Variants in CPSF3 observed in about 807,000 individuals in gnomAD.
CPSF3 encodes the protein cleavage and polyadenylation specificity factor subunit 3.
CPSF3 carries 57 observed loss-of-function variants against 84.1 expected under a neutral mutation model. That is an observed-to-expected ratio of 0.68 (90% CI 0.55 to 0.85). CPSF3 has a LOEUF of 0.85. Among genes scored for constraint, CPSF3 ranks in the 40% least tolerant of loss-of-function variants. The pLI, the probability that CPSF3 is intolerant of heterozygous loss-of-function variation, is 0.00. For synonymous variants in CPSF3, 275 were observed against 278.1 expected, an observed-to-expected ratio of 0.99 and a Z score of 0.11; for missense variants, 522 against 838.8, an observed-to-expected ratio of 0.62 and a Z score of 4.66.
intron 7 of CPSF3, among the ~76,000 whole-genome samples, chr2:9,436,719 C>T (rs377359347): frequency 6.6e-5 from 10 of 151,556 alleles, no homozygotes; most frequent in African/African-American, 1.7e-4. Flanking sequence ...TGTAGTGAGC[C>T]GAGATTGCGC....
intron 10 of CPSF3, among the ~76,000 whole-genome samples, chr2:9,444,159 T>TA (rs1553344444): frequency 0.2 from 21,307 of 108,230 alleles, 1,632 homozygotes; most frequent in Non-Finnish European, 0.25. Flanking sequence ...TATATATATA[T>TA]TTTTTTTTTT....
intron 15 of CPSF3, among the ~76,000 whole-genome samples, chr2:9,465,765 A>G (rs556512731): frequency 6.6e-5 from 10 of 152,194 alleles, no homozygotes; most frequent in African/African-American, 2.2e-4. Context: ...ATCCCAATCA[A>G]ATGCCACCAA....
intron 9 of CPSF3, among the ~76,000 whole-genome samples, chr2:9,442,662 C>A (rs945057771): frequency 1.3e-4 from 20 of 152,016 alleles, no homozygotes; most frequent in Admixed American, 9.8e-4. Context: ...ACCAGCCTGG[C>A]CAACATGGCG....
intron 12 of CPSF3, among the ~76,000 whole-genome samples, chr2:9,454,677 TGGGA>T (rs1169823995): frequency 6.6e-6 from 1 of 151,440 alleles, no homozygotes; most frequent in Non-Finnish European, 1.5e-5. Context: ...CCCAAGTAGC[TGGGA>T]CTACAGGCGC....
chr2:9,426,151 G>A lies in CPSF3; in HGVS notation c.50+2328G>A, dbSNP rs80156978. ...TACAGCAGTGAATAAGATGGACAATGCCTCTGTTCTTAGGAAGCTTTCATT... is the reference window on the plus strand; with the variant it reads ...TACAGCAGTGAATAAGATGGACAATACCTCTGTTCTTAGGAAGCTTTCATT... On this transcript the variant is annotated intron_variant, in intron 1 of 17. Coordinates refer to ENST00000238112, the MANE Select transcript of CPSF3 (RefSeq NM_016207.4). Among the ~76,000 whole-genome samples the A allele has an allele frequency of 2.2e-3, 333 of 152,324 alleles. 1 individual carries two copies. The highest frequency in any genetic ancestry group is 7.4e-3 in the African/African-American group (306 of 41,552).
At chr2:9,466,220 A>G (rs1198688878) in intron 15 of CPSF3, among the ~76,000 whole-genome samples, 3 of 147,958 alleles carry the variant, frequency 2.0e-5, no homozygotes, top group Admixed American at 6.7e-5. Flanking sequence ...GCACACACGC[A>G]CGCACACACA....
At chr2:9,424,023 ATT>A (rs1177417836) in intron 1 of CPSF3, 200 bp downstream of exon 1, 7 of 1,296,282 alleles carry the variant, frequency 5.4e-6, no homozygotes, top group African/African-American at 1.5e-5. Context: ...AGTGAACGGG[ATT>A]TTGCTTTTTC....
chr2:9,466,250 GCACA>G lies in CPSF3; in HGVS notation c.1787-1453_1787-1450del, dbSNP rs59061450. On this transcript the variant is annotated intron_variant, in intron 15 of 17. Transcript: ENST00000238112. ...CACACACACGTGCGCGCACGCACGC[GCACA>G]CACGCACACAAAGACGCACGCACAC... Among the ~76,000 whole-genome samples the G allele has an allele frequency of 1.0e-3, 98 of 95,830 alleles. No homozygotes were observed. The Middle Eastern group carries it at 0.021, about 20-fold the overall frequency. The allele number at this position is 95,830 out of a possible 152,430, so 62.9% of individuals were successfully genotyped here.
At chr2:9,471,008 G>A (rs1188657335) in intron 16 of CPSF3, among the ~76,000 whole-genome samples, 1 of 152,184 alleles carries the variant, frequency 6.6e-6, no homozygotes, top group African/African-American at 2.4e-5. Flanking sequence ...GAGGCTAGGA[G>A]TTCAAGACCA....
intron 12 of CPSF3, among the ~76,000 whole-genome samples, chr2:9,454,539 CTTTT>C (rs36115189): frequency 4.5e-5 from 4 of 87,976 alleles, no homozygotes; most frequent in Admixed American, 1.2e-4. Flanking sequence ...CTCTTATACT[CTTTT>C]TTTTTTTTTT....
At chr2:9,466,284 G>T (rs1160038142) in intron 15 of CPSF3, among the ~76,000 whole-genome samples, 3 of 104,456 alleles carry the variant, frequency 2.9e-5, no homozygotes, top group Admixed American at 2.8e-4. Context: ...GCACACACGT[G>T]CGCACACAGA....
intron 12 of CPSF3, among the ~76,000 whole-genome samples, chr2:9,453,435 A>C (rs1681403060): frequency 1.3e-5 from 2 of 152,204 alleles, no homozygotes; most frequent in Non-Finnish European, 2.9e-5. Context: ...TTCCAAAAGG[A>C]GTAGGAACAA....
At chr2:9,450,875 A>AG (rs1167140298) in intron 11 of CPSF3, among the ~76,000 whole-genome samples, 1 of 152,198 alleles carries the variant, frequency 6.6e-6, no homozygotes, top group Non-Finnish European at 1.5e-5. Flanking sequence ...GGTGAATTGG[A>AG]GGAAAAAAAG....
At chr2:9,451,228 T>C (rs1282028437) in intron 11 of CPSF3, among the ~76,000 whole-genome samples, 1 of 152,218 alleles carries the variant, frequency 6.6e-6, no homozygotes, top group Non-Finnish European at 1.5e-5. Flanking sequence ...AGTACATCAC[T>C]GTATTAAAAT....
intron 11 of CPSF3, among the ~76,000 whole-genome samples, chr2:9,452,685 C>T (rs574584765): frequency 1.1e-4 from 16 of 152,350 alleles, no homozygotes; most frequent in Middle Eastern, 3.4e-3. Flanking sequence ...CTGATTAGAA[C>T]TGAACTGTGC....
chr2:9,435,016 G>T (rs1001554939), intron 6 of CPSF3, among the ~76,000 whole-genome samples: 3 of 152,196 alleles, frequency 2.0e-5, no homozygotes, highest in Non-Finnish European at 2.9e-5. Context: ...TTTAAGGGAA[G>T]ATTTATTTTT....
chr2:9,446,442 G>T (rs983781555), intron 10 of CPSF3, among the ~76,000 whole-genome samples: 1 of 152,058 alleles, frequency 6.6e-6, no homozygotes, highest in Non-Finnish European at 1.5e-5. Flanking sequence ...TTAGACGGGT[G>T]TGGTGGCAGG....
intron 10 of CPSF3, among the ~76,000 whole-genome samples, chr2:9,446,237 G>C (rs1296608101): frequency 6.6e-6 from 1 of 152,172 alleles, no homozygotes; most frequent in African/African-American, 2.4e-5. Context: ...TTGAGGCCAG[G>C]AGTTCGAGAC....
Position 9,423,733 on chromosome 2 carries a change from C to A in CPSF3, c.-41C>A. On this transcript the variant is annotated 5_prime_UTR_variant, in exon 1 of 18. Coordinates refer to ENST00000238112, the MANE Select transcript of CPSF3 (RefSeq NM_016207.4). ...TGCTTCCAATTTAGGAAGACCCCGG[C>A]GACCTGTTCCTCACCCCCGCTTCGC... is the stretch of plus-strand genomic sequence containing the variant. 5.0e-6 allele frequency: 8 copies of A among 1,606,416 alleles called. No homozygotes were observed. Among genetic ancestry groups the A allele is most frequent in the Non-Finnish European group, 6.8e-6 (8 of 1,177,014 alleles).
Sources: allele counts gnomAD v4.1 joint callset (sites outside exome capture counted in the v4.1 genomes callset), GRCh38; gene constraint gnomAD v4.1.1; transcripts MANE v1.5; gene names NCBI Gene and HGNC (gene_info 2026-07-23, HGNC 2026-07-21).